The following DCAF8L2 variants were observed in gnomAD, a reference collection of about 807,000 sequenced individuals.
The protein encoded by DCAF8L2 is DDB1- and CUL4-associated factor 8-like protein 2.
For synonymous variants in DCAF8L2, 200 were observed against 190.9 expected, an observed-to-expected ratio of 1.05 and a Z score of -0.39; for missense variants, 430 against 490.7, an observed-to-expected ratio of 0.88 and a Z score of 1.17.
Position 27,747,389 on chromosome X carries a change from T to C in DCAF8L2, c.494T>C (p.Leu165Ser). The C allele has an allele frequency of 2.6e-6, 3 of 1,166,279 alleles. No individual in the cohort carries two copies. Among genetic ancestry groups the C allele is most frequent in the Non-Finnish European group, 3.4e-6 (3 of 873,173 alleles). The change falls in exon 5 of 5, where the codon TTA (leucine) becomes TCA (serine). Residue 165 changes from leucine to serine, a missense_variant. Leu to Ser is a moderately radical substitution (Grantham distance 145). Transcript: ENST00000451261. ...GSGGNHEQYS[L>S]EEDQALEEWV... Reference sequence around the variant, plus strand: ...GGCGGCAACCATGAGCAGTATTCGTTAGAGGAGGATCAGGCGCTGGAGGAG... The same window carrying C: ...GGCGGCAACCATGAGCAGTATTCGTCAGAGGAGGATCAGGCGCTGGAGGAG...
intron 3 of DCAF8L2, among the ~76,000 whole-genome samples, chrX:27,712,973 T>C (rs1447144031): frequency 9.0e-6 from 1 of 111,692 alleles, no homozygotes; most frequent in Non-Finnish European, 1.9e-5. Flanking sequence ...GGAGTCTGTC[T>C]TGAATTAATT....
chrX:27,502,378 T>TATATA, the DCAF8L2 span, among the ~76,000 whole-genome samples: 7 of 44,153 alleles, frequency 1.6e-4, no homozygotes, highest in Non-Finnish European at 2.7e-4. Context: ...ATATATATAT[T>TATATA]GGCTGTGCAT....
At chrX:27,613,089 ATG>A (rs1927271942) in intron 1 of DCAF8L2, among the ~76,000 whole-genome samples, 1 of 111,635 alleles carries the variant, frequency 9.0e-6, no homozygotes, top group Admixed American at 9.5e-5. Context: ...TGAGCATGGA[ATG>A]TGTTTCCGTT....
chrX:27,622,003 C>CA (rs765211384), intron 1 of DCAF8L2, among the ~76,000 whole-genome samples: 14 of 103,916 alleles, frequency 1.3e-4, no homozygotes, highest in South Asian at 4.3e-4. Context: ...ACAACAACAA[C>CA]AACAAAAAAA....
In DCAF8L2 at chrX:27,634,882, AT is replaced by A. The variant is rs201729392; in HGVS notation, c.-220+2883del. On this transcript the variant is annotated intron_variant, in intron 2 of 4. Coordinates refer to ENST00000451261, the MANE Select transcript of DCAF8L2 (RefSeq NM_001353450.2). ...AAGATATCTCATCATGTATACCTAAATATTCCAAAAATCTGAAATTTGAAAC... is the reference window on the plus strand; with the variant it reads ...AAGATATCTCATCATGTATACCTAAAATTCCAAAAATCTGAAATTTGAAAC... 2.9e-3 allele frequency among the ~76,000 whole-genome samples: 319 copies of A among 110,366 alleles called. 1 individual carries two copies. Among genetic ancestry groups the A allele is most frequent in the Admixed American group, 5.2e-3 (53 of 10,239 alleles).
intron 1 of DCAF8L2, among the ~76,000 whole-genome samples, chrX:27,599,592 G>C (rs750545652): frequency 8.1e-5 from 9 of 111,139 alleles, no homozygotes; most frequent in Non-Finnish European, 1.5e-4. Flanking sequence ...GAGAATTTTG[G>C]GAGGTGATGG....
chrX:27,727,311 A>G (rs1035604423), intron 4 of DCAF8L2, among the ~76,000 whole-genome samples: 1 of 111,591 alleles, frequency 9.0e-6, no homozygotes, highest in Admixed American at 9.5e-5. Context: ...AAAATCTTAA[A>G]TGGTATCATT....
At chrX:27,622,012 A>ACAAC (rs1927787767) in intron 1 of DCAF8L2, among the ~76,000 whole-genome samples, 15 of 110,054 alleles carry the variant, frequency 1.4e-4, no homozygotes, top group African/African-American at 5.0e-4. Context: ...ACAACAAAAA[A>ACAAC]AAAAGATGTT....
At chrX:27,600,164 A>T (rs768375912) in intron 1 of DCAF8L2, among the ~76,000 whole-genome samples, 1 of 112,188 alleles carries the variant, frequency 8.9e-6, no homozygotes, top group African/African-American at 3.2e-5. Context: ...TGTTGACTTT[A>T]TGATGAATCA....
At chrX:27,513,107 A>G in the DCAF8L2 span, among the ~76,000 whole-genome samples, 1 of 112,033 alleles carries the variant, frequency 8.9e-6, no homozygotes, top group South Asian at 3.7e-4. Flanking sequence ...AGTGGATTAA[A>G]TACTTAAATG....
At chrX:27,556,842 A>G in the DCAF8L2 span, among the ~76,000 whole-genome samples, 1 of 112,139 alleles carries the variant, frequency 8.9e-6, no homozygotes, top group Non-Finnish European at 1.9e-5. Context: ...TCACCTGCCA[A>G]ATGCATCCTT....
At chrX:27,550,908 C>T in the DCAF8L2 span, among the ~76,000 whole-genome samples, 1 of 110,879 alleles carries the variant, frequency 9.0e-6, no homozygotes, top group Non-Finnish European at 1.9e-5. Flanking sequence ...GTGCTCACTT[C>T]GTGTCTCTGT....
At chrX:27,473,770 CAT>C in the DCAF8L2 span, among the ~76,000 whole-genome samples, 3 of 111,127 alleles carry the variant, frequency 2.7e-5, no homozygotes, top group Admixed American at 1.9e-4. Flanking sequence ...TAAAATTATA[CAT>C]GTCTAATTAT....
the DCAF8L2 span, among the ~76,000 whole-genome samples, chrX:27,524,062 T>G: frequency 1.8e-5 from 2 of 111,820 alleles, no homozygotes; most frequent in Non-Finnish European, 1.9e-5. Context: ...TTAGGGAGGA[T>G]TCCCTCTTTT....
chrX:27,610,813 C>T (rs1927124601), intron 1 of DCAF8L2, among the ~76,000 whole-genome samples: 1 of 112,556 alleles, frequency 8.9e-6, no homozygotes, highest in African/African-American at 3.2e-5. Flanking sequence ...AAGAGAATAA[C>T]TGTAGACTAT....
intron 3 of DCAF8L2, among the ~76,000 whole-genome samples, chrX:27,700,632 T>C (rs763622931): frequency 9.0e-6 from 1 of 111,482 alleles, no homozygotes; most frequent in South Asian, 3.7e-4. Flanking sequence ...TTGGTTATCC[T>C]TCCAGGGGAA....
At chrX:27,546,165 G>A in the DCAF8L2 span, among the ~76,000 whole-genome samples, 1 of 107,756 alleles carries the variant, frequency 9.3e-6, no homozygotes, top group Non-Finnish European at 2.0e-5. Context: ...TGGCCAAAAC[G>A]AAGGGGATAC....
the DCAF8L2 span, among the ~76,000 whole-genome samples, chrX:27,557,228 C>T: frequency 8.9e-6 from 1 of 112,175 alleles, no homozygotes; most frequent in African/African-American, 3.2e-5. Context: ...CAAAATACTA[C>T]AGATAATTTT....
intron 3 of DCAF8L2, among the ~76,000 whole-genome samples, chrX:27,708,144 T>C (rs1931402083): frequency 9.0e-6 from 1 of 111,518 alleles, no homozygotes; most frequent in Non-Finnish European, 1.9e-5. Flanking sequence ...AGTTAGTTTT[T>C]CAACCCTTGC....
Sources: gnomAD v4.1 joint callset for allele counts (sites outside exome capture counted in the v4.1 genomes callset) on GRCh38, gnomAD v4.1.1 for gene constraint, MANE v1.5 for transcripts, NCBI Gene and HGNC (gene_info 2026-07-23, HGNC 2026-07-21) for gene names.